KIF21A: variants seen among roughly 807,000 people sequenced by gnomAD.
The protein encoded by KIF21A is kinesin-like protein KIF21A.
A neutral mutation model predicts 202.9 loss-of-function variants in KIF21A; 114 were observed. The ratio of observed to expected loss-of-function variants is 0.56; its 90% CI spans 0.48 to 0.66. KIF21A has a LOEUF of 0.66. Ranked by LOEUF, KIF21A falls within the 30% of genes least tolerant of loss-of-function variation. The probability of loss-of-function intolerance (pLI) is 0.00; values close to 1 mark genes in which losing one functional copy is unlikely to be tolerated. For missense variants in KIF21A, 1,677 were observed against 1,994.9 expected, an observed-to-expected ratio of 0.84 and a Z score of 3.04; for synonymous variants, 667 against 670.8, an observed-to-expected ratio of 0.99 and a Z score of 0.09.
At chr12:39,407,184 C>G (rs1952661668) in intron 1 of KIF21A, among the ~76,000 whole-genome samples, 1 of 152,178 alleles carries the variant, frequency 6.6e-6, no homozygotes, top group South Asian at 2.1e-4. Flanking sequence ...TTTAGAATTG[C>G]ATTCCTCTCT....
chr12:39,360,097 C>A (rs1034313436), intron 7 of KIF21A, among the ~76,000 whole-genome samples: 1 of 152,040 alleles, frequency 6.6e-6, no homozygotes, highest in African/African-American at 2.4e-5. Context: ...ATAAGAGTAA[C>A]TGGCAAGGAT....
intron 4 of KIF21A, 45 bp from the exon 5 acceptor site, chr12:39,367,209 A>G (rs1436002782): frequency 1.2e-6 from 2 of 1,605,030 alleles, no homozygotes; most frequent in Admixed American, 3.3e-5. Context: ...ACAATAAACA[A>G]GATACTATAC....
chr12:39,323,320 TA>T (rs1190684347), intron 26 of KIF21A, among the ~76,000 whole-genome samples: 2 of 148,858 alleles, frequency 1.3e-5, no homozygotes, highest in African/African-American at 2.5e-5. Flanking sequence ...AACATATAAT[TA>T]AAAAAAAAGA....
intron 31 of KIF21A, among the ~76,000 whole-genome samples, chr12:39,314,972 T>C (rs1385014596): frequency 6.6e-6 from 1 of 151,922 alleles, no homozygotes; most frequent in Non-Finnish European, 1.5e-5. Context: ...ATATTTTATA[T>C]AAACTACCAA....
chr12:39,356,540 C>T (rs1053666019), intron 10 of KIF21A: 1 of 257,100 alleles, frequency 3.9e-6, no homozygotes, highest in Non-Finnish European at 7.3e-6. Context: ...TCAAAGATAA[C>T]TTCAGCAACA....
intron 7 of KIF21A, among the ~76,000 whole-genome samples, chr12:39,360,975 T>A (rs559176775): frequency 6.6e-6 from 1 of 152,276 alleles, no homozygotes; most frequent in Admixed American, 6.5e-5. Context: ...AGGAATGCAA[T>A]CCTAAAATTT....
At chr12:39,431,317 G>T (rs555498646) in intron 1 of KIF21A, among the ~76,000 whole-genome samples, 2 of 152,224 alleles carry the variant, frequency 1.3e-5, no homozygotes, top group Non-Finnish European at 2.9e-5. Flanking sequence ...CCTCTCCACA[G>T]AGAGGGGGCT....
intron 1 of KIF21A, among the ~76,000 whole-genome samples, chr12:39,418,935 C>T (rs1352888072): frequency 6.6e-6 from 1 of 152,162 alleles, no homozygotes; most frequent in Non-Finnish European, 1.5e-5. Flanking sequence ...TTAATAATTG[C>T]TATTTGTTCA....
chr12:39,442,207 TCA>T lies in KIF21A; in HGVS notation c.44+718_44+719del, dbSNP rs750988135. ...CCACCCTGCCTAATGTCAGTATGTT[TCA>T]CACAGTCACCCATTTCACCCTTCCT... On this transcript the variant is annotated intron_variant, in intron 1 of 37. Transcript: ENST00000361418. This position sits in a 1 kb window ranked among gnomAD's most constrained non-coding sequence, Gnocchi z 5.0. 2.0e-5 allele frequency among the ~76,000 whole-genome samples: 3 copies of T among 152,142 alleles called. No individual in the cohort carries two copies. Among genetic ancestry groups the T allele is most frequent in the Non-Finnish European group, 1.5e-5 (1 of 68,020 alleles).
chr12:39,381,169 G>A (rs113974974), intron 1 of KIF21A, among the ~76,000 whole-genome samples: 19,630 of 151,688 alleles, frequency 0.13, 1,361 homozygotes, highest in African/African-American at 0.18. Flanking sequence ...TTAGCTGGGC[G>A]TGGTGGCGGG....
At chr12:39,373,629 A>C (rs1163200717) in intron 1 of KIF21A, among the ~76,000 whole-genome samples, 1 of 152,208 alleles carries the variant, frequency 6.6e-6, no homozygotes. Context: ...GTGTGCCATT[A>C]ATTTTAGGTA....
intron 1 of KIF21A, among the ~76,000 whole-genome samples, chr12:39,419,160 GA>G (rs1483051981): frequency 1.3e-5 from 2 of 152,182 alleles, no homozygotes; most frequent in Non-Finnish European, 1.5e-5. Flanking sequence ...GCTCTCTTCT[GA>G]AAACTCCACT....
intron 1 of KIF21A, among the ~76,000 whole-genome samples, chr12:39,408,692 G>C (rs1171172228): frequency 6.6e-6 from 1 of 152,170 alleles, no homozygotes; most frequent in Non-Finnish European, 1.5e-5. Flanking sequence ...GAAGCACAGA[G>C]AGAAAGAAGA....
chr12:39,354,331 A>G (rs542278229), intron 10 of KIF21A, among the ~76,000 whole-genome samples: 2 of 152,312 alleles, frequency 1.3e-5, no homozygotes, highest in South Asian at 4.1e-4. Flanking sequence ...AAGAATAGAT[A>G]GCAAAACAAA....
At chr12:39,388,766 A>G (rs1951133760) in intron 1 of KIF21A, among the ~76,000 whole-genome samples, 3 of 152,200 alleles carry the variant, frequency 2.0e-5, no homozygotes, top group Admixed American at 2.0e-4. Context: ...TCCTATTCCA[A>G]CTAAACTTCT....
chr12:39,302,178 A>T (rs1029759955), intron 36 of KIF21A, among the ~76,000 whole-genome samples: 9 of 152,194 alleles, frequency 5.9e-5, no homozygotes, highest in Admixed American at 5.9e-4. Flanking sequence ...ACAAGATCAG[A>T]CTATATGACT....
At chr12:39,383,524 T>C (rs1325811632) in intron 1 of KIF21A, among the ~76,000 whole-genome samples, 1 of 152,250 alleles carries the variant, frequency 6.6e-6, no homozygotes, top group African/African-American at 2.4e-5. Flanking sequence ...TAATTTATCG[T>C]ACCCCTATAG....
At chr12:39,372,394 G>T (rs1487244422) in intron 1 of KIF21A, among the ~76,000 whole-genome samples, 2 of 152,142 alleles carry the variant, frequency 1.3e-5, no homozygotes, top group Non-Finnish European at 2.9e-5. Context: ...GAGCTGTCCA[G>T]GTAATGAGGC....
Position 39,442,977 on chromosome 12 carries a change from G to T in KIF21A, c.-7C>A. 2.6e-6 allele frequency: 4 copies of T among 1,519,868 alleles called. No homozygotes were observed. The highest frequency in any genetic ancestry group is 2.0e-5 in the Admixed American group (1 of 50,102). The allele number at this position is 1,519,868 out of a possible 1,614,324, so 94.1% of individuals were successfully genotyped here. ...CGTCCGGGGCGCCCAACATGCTGGC[G>T]GCGGGCAGCGATCGAGCCGTTGGGC... is the stretch of plus-strand genomic sequence containing the variant. On this transcript the variant is annotated 5_prime_UTR_variant, in exon 1 of 38. Coordinates refer to ENST00000361418, the MANE Select transcript of KIF21A (RefSeq NM_001173464.2). The surrounding 1 kb of genome is among the most constrained non-coding windows in gnomAD (Gnocchi z 5.0).
Sources: gnomAD v4.1 joint callset for allele counts (sites outside exome capture counted in the v4.1 genomes callset) on GRCh38, gnomAD v4.1.1 for gene constraint, Gnocchi (gnomAD v3.1) non-coding constraint, MANE v1.5 for transcripts, NCBI Gene and HGNC (gene_info 2026-07-23, HGNC 2026-07-21) for gene names.